ITPR2: variants seen among roughly 807,000 people sequenced by gnomAD.
The protein encoded by ITPR2 is inositol 1,4,5-trisphosphate receptor type 2, also known as inositol 1,4,5-trisphosphate-gated calcium channel ITPR2.
A neutral mutation model predicts 317.1 loss-of-function variants in ITPR2; 207 were observed. That is an observed-to-expected ratio of 0.65 (90% CI 0.58 to 0.73). The LOEUF (loss-of-function observed/expected upper bound fraction) is 0.73, where lower values mean the gene tolerates loss of function less well. ITPR2 is among the 30% of genes least tolerant of loss of function. The pLI is 0.00. For missense variants in ITPR2, 2,613 were observed against 3,284.0 expected (o/e 0.80, Z 4.99); for synonymous variants, 1,156 against 1,149.1 (o/e 1.01, Z -0.12).
At chr12:26,664,767 C>G (rs1947584562) in intron 14 of ITPR2, among the ~76,000 whole-genome samples, 1 of 151,902 alleles carries the variant, frequency 6.6e-6, no homozygotes, top group Non-Finnish European at 1.5e-5. Context: ...TATCCAAGGT[C>G]CTAAAAGTCT....
chr12:26,559,855 A>G (rs577505263), intron 35 of ITPR2, among the ~76,000 whole-genome samples: 1 of 152,216 alleles, frequency 6.6e-6, no homozygotes, highest in Admixed American at 6.5e-5. Flanking sequence ...TCATATCTCA[A>G]CACAACTGTT....
intron 1 of ITPR2, among the ~76,000 whole-genome samples, chr12:26,799,082 G>T (rs186796348): frequency 4.6e-5 from 7 of 152,264 alleles, no homozygotes; most frequent in Non-Finnish European, 1.5e-5. Context: ...AATATTAAAA[G>T]TATGTTTAAT....
chr12:26,445,530 A>C (rs1249884171), intron 45 of ITPR2, among the ~76,000 whole-genome samples: 1 of 147,416 alleles, frequency 6.8e-6, no homozygotes, highest in African/African-American at 2.7e-5. Flanking sequence ...ACAAAACCCC[A>C]CGCAGCCAGG....
At chr12:26,803,112 T>C (rs894036636) in intron 1 of ITPR2, among the ~76,000 whole-genome samples, 1 of 152,326 alleles carries the variant, frequency 6.6e-6, no homozygotes, top group East Asian at 1.9e-4. Context: ...TATCTTGGCT[T>C]ACACTGAACT....
At chr12:26,654,185 G>A in intron 20 of ITPR2, 59 bp from the exon 21 acceptor site, 1 of 1,377,034 alleles carries the variant, frequency 7.3e-7, no homozygotes, top group South Asian at 1.3e-5. Flanking sequence ...AAAAAATTGG[G>A]TACTGAAATA....
At chr12:26,463,213 G>C (rs1565540615) in intron 45 of ITPR2, among the ~76,000 whole-genome samples, 1 of 152,164 alleles carries the variant, frequency 6.6e-6, no homozygotes, top group East Asian at 1.9e-4. Flanking sequence ...ATGAGTAACA[G>C]TACAATCATT....
intron 35 of ITPR2, among the ~76,000 whole-genome samples, chr12:26,559,230 G>A (rs1944746659): frequency 6.6e-6 from 1 of 152,184 alleles, no homozygotes; most frequent in African/African-American, 2.4e-5. Context: ...CCTCTCCTCT[G>A]CTGAAAATCT....
intron 45 of ITPR2, among the ~76,000 whole-genome samples, chr12:26,461,697 C>CATACATATATATAT (rs1942033537): frequency 7.9e-5 from 3 of 38,062 alleles, no homozygotes; most frequent in African/African-American, 1.3e-4. Context: ...TATATACACA[C>CATACATATATATAT]ACACACACAC....
intron 21 of ITPR2, among the ~76,000 whole-genome samples, chr12:26,651,431 C>A (rs748201993): frequency 1.1e-4 from 16 of 152,146 alleles, no homozygotes; most frequent in Non-Finnish European, 2.2e-4. Context: ...TAAAGCCAAC[C>A]ATTTTATTCT....
intron 55 of ITPR2, among the ~76,000 whole-genome samples, chr12:26,369,873 A>C (rs1939131418): frequency 6.6e-6 from 1 of 152,202 alleles, no homozygotes; most frequent in South Asian, 2.1e-4. Context: ...ATTATACGGC[A>C]GATGATTAGG....
At chr12:26,391,691 A>G (rs938218923) in intron 54 of ITPR2, among the ~76,000 whole-genome samples, 2 of 149,772 alleles carry the variant, frequency 1.3e-5, no homozygotes, top group Non-Finnish European at 3.0e-5. Context: ...CAGCCTCCCG[A>G]GTAGCTGGGG....
chr12:26,581,440 A>G (rs1209340548), intron 32 of ITPR2, among the ~76,000 whole-genome samples: 1 of 152,200 alleles, frequency 6.6e-6, no homozygotes, highest in Non-Finnish European at 1.5e-5. Context: ...ATTTCATAGG[A>G]TAACTGCAGG....
chr12:26,658,876 T>C (rs1487367656), intron 16 of ITPR2, among the ~76,000 whole-genome samples: 2 of 152,222 alleles, frequency 1.3e-5, no homozygotes, highest in African/African-American at 4.8e-5. Flanking sequence ...TAAAGTTCTA[T>C]AAAATCATGA....
intron 1 of ITPR2, among the ~76,000 whole-genome samples, chr12:26,801,972 G>C (rs1001884562): frequency 2.6e-5 from 4 of 152,052 alleles, no homozygotes; most frequent in African/African-American, 9.6e-5. Context: ...AGAATATAAG[G>C]ACAGAACAAA....
At position 26,686,641 on chromosome 12, in the gene ITPR2, GAAGTAC is replaced by G. The variant is rs759441967; in HGVS notation, c.997-15_997-10del. ...GGAGGGACTCCATCTCTCTGTTGAG[GAAGTAC>G]AAGTTTATTTACTTTTATCACGTTT... On this transcript the variant is annotated splice_polypyrimidine_tract_variant and intron_variant, in intron 10 of 56. Transcript: ENST00000381340. 2.8e-5 allele frequency: 44 copies of G among 1,599,390 alleles called. No homozygotes were observed. In the African/African-American group the frequency reaches 5.8e-4, roughly 21 times the overall value.
intron 37 of ITPR2, among the ~76,000 whole-genome samples, chr12:26,527,981 G>A (rs1166765096): frequency 6.6e-6 from 1 of 152,128 alleles, no homozygotes; most frequent in Admixed American, 6.6e-5. Flanking sequence ...CTGGTGGTTT[G>A]GAAAGAAGGA....
intron 13 of ITPR2, among the ~76,000 whole-genome samples, chr12:26,673,757 C>T (rs1397947467): frequency 6.9e-4 from 103 of 148,986 alleles, no homozygotes; most frequent in African/African-American, 2.4e-3. Flanking sequence ...GTCAAATTGT[C>T]CCTGTTTGCA....
intron 55 of ITPR2, among the ~76,000 whole-genome samples, chr12:26,372,837 A>T (rs1939223804): frequency 6.6e-6 from 1 of 152,156 alleles, no homozygotes; most frequent in Non-Finnish European, 1.5e-5. Context: ...AGAAATTCTC[A>T]CAGGCCCTTC....
At chr12:26,711,366 T>G (rs1347257401) in intron 8 of ITPR2, 98 bp from the exon 9 acceptor site, 1 of 810,324 alleles carries the variant, frequency 1.2e-6, no homozygotes, top group African/African-American at 1.7e-5. Flanking sequence ...TTAATACTGA[T>G]CTGTCAAACC....
Sources: allele counts gnomAD v4.1 joint callset (sites outside exome capture counted in the v4.1 genomes callset), GRCh38; gene constraint gnomAD v4.1.1; transcripts MANE v1.5; gene names NCBI Gene and HGNC (gene_info 2026-07-23, HGNC 2026-07-21).